The following PRKAG3 variants were observed in gnomAD, a reference collection of about 807,000 sequenced individuals.
The protein encoded by PRKAG3 is protein kinase AMP-activated non-catalytic subunit gamma 3.
In PRKAG3, 39 loss-of-function variants were observed where a neutral mutation model predicts 56.5. The ratio of observed to expected loss-of-function variants is 0.69; its 90% CI spans 0.53 to 0.90. The LOEUF is 0.90. PRKAG3 is among the 40% of genes least tolerant of loss of function. The pLI is 0.00. For missense variants in PRKAG3, 628 were observed against 627.5 expected, an observed-to-expected ratio of 1.00 and a Z score of -0.01; for synonymous variants, 243 against 250.1, an observed-to-expected ratio of 0.97 and a Z score of 0.27.
chr2:218,829,216 T>C (rs926790865), intron 4 of PRKAG3, among the ~76,000 whole-genome samples: 5 of 152,144 alleles, frequency 3.3e-5, no homozygotes, highest in African/African-American at 4.8e-5. Context: ...AAGAATAAGA[T>C]TATAGACATT....
intron 1 of PRKAG3, 127 bp downstream of exon 1, chr2:218,831,611 A>G (rs1455562818): frequency 6.4e-5 from 83 of 1,302,724 alleles, no homozygotes; most frequent in Non-Finnish European, 8.9e-5. Context: ...ACATGCCCAT[A>G]TTCACGAGAA....
At chr2:218,824,176 G>A (rs1370535629) in intron 12 of PRKAG3, 46 bp downstream of exon 12, 1 of 1,613,854 alleles carries the variant, frequency 6.2e-7, no homozygotes, top group Non-Finnish European at 8.5e-7. Context: ...GCATGAGAAG[G>A]ACTGGGCTAT....
In PRKAG3 at chr2:218,827,403, G is replaced by A. The variant is rs1943949372; in HGVS notation, c.876-30C>T. On this transcript the variant is annotated intron_variant, in intron 8 of 12. Coordinates refer to ENST00000529249, the Ensembl canonical transcript of PRKAG3. The surrounding 1 kb of genome is among the most constrained non-coding windows in gnomAD (Gnocchi z 5.3). ...AGAGATGGGAGCAGTGAGCCTCGGG[G>A]CAGCCTAGGGAGAGACAACCTCCAT... is the stretch of plus-strand genomic sequence containing the variant. The A allele has an allele frequency of 6.2e-7, 1 of 1,613,938 alleles. No homozygotes were observed. The highest frequency in any genetic ancestry group is 1.6e-4 in the Middle Eastern group (1 of 6,062).
At chr2:218,830,757 C>A (rs1013713457) in exon 3 of PRKAG3, 1 of 1,612,342 alleles carries the variant, frequency 6.2e-7, no homozygotes. Context: ...TTCCCCCTGA[C>A]CTGGTGGCTC....
intron 10 of PRKAG3, among the ~76,000 whole-genome samples, chr2:218,824,833 T>C (rs1943907947): frequency 6.6e-6 from 1 of 152,108 alleles, no homozygotes; most frequent in African/African-American, 2.4e-5. Context: ...AGCCTTTAGA[T>C]ATAATTTCAG....
At chr2:218,822,516 A>T (rs1299468217), downstream of PRKAG3, 6 of 152,210 alleles carry the variant, frequency 3.9e-5, no homozygotes, top group African/African-American at 1.4e-4. Context: ...ATCTAAGTTC[A>T]TGGATTGTTC....
chr2:218,823,162 G>A, downstream of PRKAG3: 1 of 685,030 alleles, frequency 1.5e-6, no homozygotes, highest in Non-Finnish European at 1.8e-6. Flanking sequence ...GCCATGGTGA[G>A]TAGATGGAAT....
intron 1 of PRKAG3, 38 bp from the exon 2 acceptor site, chr2:218,831,413 G>T: frequency 6.4e-7 from 1 of 1,560,394 alleles, no homozygotes; most frequent in Non-Finnish European, 8.7e-7. Context: ...TGGGGAAAGT[G>T]CCTTACATTC....
chr2:218,824,207 G>A lies in PRKAG3; in HGVS notation c.1353+15C>T. 6.2e-7 allele frequency: 1 copy of A among 1,614,108 alleles called. No individual in the cohort carries two copies. The highest frequency in any genetic ancestry group is 8.5e-7 in the Non-Finnish European group (1 of 1,179,998). ...GCTATATGTGTTGGGGGCATGAATG[G>A]AGGGCACACGGTACCTGCTCCCGAG... is the stretch of plus-strand genomic sequence containing the variant. On this transcript the variant is annotated intron_variant, in intron 12 of 12. Coordinates refer to ENST00000529249, the Ensembl canonical transcript of PRKAG3.
At chr2:218,823,062 G>A (rs1028502139), downstream of PRKAG3, 18 of 964,914 alleles carry the variant, frequency 1.9e-5, no homozygotes, top group Non-Finnish European at 2.2e-5. Flanking sequence ...GGCAATTTGG[G>A]AGGGCTGAAG....
rs752482543 is a variant in PRKAG3 at position 218,827,969 on chromosome 2, C to G, written c.774+35G>C. 3.8e-6 allele frequency: 6 copies of G among 1,592,920 alleles called. No homozygotes were observed. Among genetic ancestry groups the G allele is most frequent in the Non-Finnish European group, 5.1e-6 (6 of 1,168,532 alleles). On this transcript the variant is annotated intron_variant, in intron 6 of 12. Transcript: ENST00000529249. The surrounding 1 kb of genome is among the most constrained non-coding windows in gnomAD (Gnocchi z 5.3). Reference sequence around the variant, plus strand: ...AGGACTCCCCTCCGCCCCCGCCCCTCTGGGTGCCCATAAGATTCCCAGCCC... The same window carrying G: ...AGGACTCCCCTCCGCCCCCGCCCCTGTGGGTGCCCATAAGATTCCCAGCCC...
Position 218,828,081 on chromosome 2 carries a change from A to G in PRKAG3, c.716-19T>C, listed in dbSNP as rs2105988109. 6.4e-7 allele frequency: 1 copy of G among 1,552,402 alleles called. No homozygotes were observed. Among genetic ancestry groups the G allele is most frequent in the Non-Finnish European group, 8.7e-7 (1 of 1,147,244 alleles). On this transcript the variant is annotated intron_variant, in intron 5 of 12. Transcript: ENST00000529249. ...AGCATCCCTGCAGGGAGGGGCGGGG[A>G]GGAGGTCAGCCCGGGGCCTTTGGGT...
intron 10 of PRKAG3, among the ~76,000 whole-genome samples, chr2:218,824,789 G>C (rs1943907611): frequency 6.6e-6 from 1 of 152,122 alleles, no homozygotes; most frequent in Admixed American, 6.6e-5. Context: ...CTACAAAATA[G>C]TCTAGCCTCG....
intron 3 of PRKAG3, 109 bp from the exon 4 acceptor site, chr2:218,830,490 G>A: frequency 7.1e-7 from 1 of 1,401,238 alleles, no homozygotes; most frequent in Admixed American, 2.2e-5. Flanking sequence ...GGATGCTGTG[G>A]CCCTATTTGC....
chr2:218,823,718 C>G, exon 13 of PRKAG3: 1 of 1,612,712 alleles, frequency 6.2e-7, no homozygotes, highest in Middle Eastern at 1.7e-4. Context: ...CCTTCATTGG[C>G]TTCCAGGTGT....
rs752182941 is a variant in PRKAG3, at chr2:218,830,388, G to T, written c.230-7C>A. 47 of 1,604,438 alleles carry T rather than the reference G, an allele frequency of 2.9e-5. No homozygotes were observed. Among genetic ancestry groups the T allele is most frequent in the East Asian group, 6.7e-5 (3 of 44,654 alleles). ...GCTGGCCTGGACCGGGGACCTGTTT[G>T]GGGGAGGAGGGGAAGAGGACAGTAA... On this transcript the variant is annotated splice_polypyrimidine_tract_variant and splice_region_variant and intron_variant, in intron 3 of 12. Transcript: ENST00000529249.
intron 10 of PRKAG3, among the ~76,000 whole-genome samples, chr2:218,824,940 C>T (rs1210102187): frequency 1.3e-5 from 2 of 152,014 alleles, no homozygotes; most frequent in African/African-American, 4.8e-5. Flanking sequence ...GACAACTGAC[C>T]CAGGCTTTTC....
At chr2:218,824,200 A>G (rs1943896955) in intron 12 of PRKAG3, 22 bp downstream of exon 12, 1 of 1,614,074 alleles carries the variant, frequency 6.2e-7, no homozygotes, top group South Asian at 1.1e-5. Context: ...TGTTGGGGGC[A>G]TGAATGGAGG....
Position 218,827,746 on chromosome 2 carries a change from T to G in PRKAG3, c.820+87A>C, listed in dbSNP as rs1943956242. ...CTCCTATTGTCCCTCCCCTGTTCAC[T>G]CCAGGACATCCCCACTGCCCATCCT... On this transcript the variant is annotated intron_variant, in intron 7 of 12. Coordinates refer to ENST00000529249, the Ensembl canonical transcript of PRKAG3. This position sits in a 1 kb window ranked among gnomAD's most constrained non-coding sequence, Gnocchi z 5.3. The G allele has an allele frequency of 6.4e-7, 1 of 1,563,094 alleles. No homozygotes were observed. Among genetic ancestry groups the G allele is most frequent in the African/African-American group, 1.4e-5 (1 of 73,782 alleles).
Sources: allele counts gnomAD v4.1 joint callset (sites outside exome capture counted in the v4.1 genomes callset), GRCh38; gene constraint gnomAD v4.1.1; non-coding constraint Gnocchi (gnomAD v3.1); transcripts MANE v1.5; gene names NCBI Gene and HGNC (gene_info 2026-07-23, HGNC 2026-07-21).